COG3: variants seen among roughly 807,000 people sequenced by gnomAD.
COG3 encodes component of oligomeric golgi complex 3.
In COG3, 32 loss-of-function variants were observed where a neutral mutation model predicts 114.1. The ratio of observed to expected loss-of-function variants is 0.28; its 90% CI spans 0.21 to 0.38. The LOEUF (loss-of-function observed/expected upper bound fraction) is 0.38. Ranked by LOEUF, COG3 falls within the 10% of genes least tolerant of loss-of-function variation. The pLI, the probability that COG3 is intolerant of heterozygous loss-of-function variation, is 1.00. For missense variants in COG3, 813 were observed against 973.2 expected (o/e 0.84, Z 2.19); for synonymous variants, 352 against 365.7 (o/e 0.96, Z 0.43).
At chr13:45,525,516 T>G (rs923752807) in intron 20 of COG3, among the ~76,000 whole-genome samples, 7 of 152,070 alleles carry the variant, frequency 4.6e-5, no homozygotes, top group Non-Finnish European at 8.8e-5. Flanking sequence ...ATTGTAAAAA[T>G]TGAGGCGTCA....
chr13:45,493,088 G>T (rs1887114011), intron 11 of COG3, among the ~76,000 whole-genome samples: 1 of 152,136 alleles, frequency 6.6e-6, no homozygotes, highest in Non-Finnish European at 1.5e-5. Context: ...GATAAAAGTT[G>T]TAATAGGTTG....
intron 1 of COG3, among the ~76,000 whole-genome samples, chr13:45,471,474 T>C (rs990350174): frequency 2.0e-5 from 3 of 152,198 alleles, no homozygotes; most frequent in African/African-American, 4.8e-5. Flanking sequence ...TTTTGTGATA[T>C]TGTTTCAGGC....
intron 2 of COG3, among the ~76,000 whole-genome samples, chr13:45,478,314 C>T (rs1320946355): frequency 6.6e-6 from 1 of 151,368 alleles, no homozygotes; most frequent in East Asian, 1.9e-4. Context: ...GCCTCAGCCT[C>T]TTGAGTAACT....
intron 1 of COG3, among the ~76,000 whole-genome samples, chr13:45,465,975 AC>A (rs1885113602): frequency 6.6e-6 from 1 of 152,162 alleles, no homozygotes; most frequent in African/African-American, 2.4e-5. Context: ...TGTTTGACAA[AC>A]GTTTTCCAGT....
At chr13:45,529,558 T>C (rs1872987074) in intron 20 of COG3, among the ~76,000 whole-genome samples, 1 of 152,134 alleles carries the variant, frequency 6.6e-6, no homozygotes, top group South Asian at 2.1e-4. Flanking sequence ...AGGGGAGTTA[T>C]TTTGCTGCCT....
chr13:45,502,005 A>T (rs1310436934), intron 13 of COG3, among the ~76,000 whole-genome samples: 2 of 152,198 alleles, frequency 1.3e-5, no homozygotes, highest in African/African-American at 4.8e-5. Context: ...CCTTGCAGGG[A>T]TCAGATCCCC....
Position 45,479,185 on chromosome 13 carries a change from A to G in COG3, c.383+119A>G. 4 of 700,460 alleles carry G rather than the reference A, an allele frequency of 5.7e-6. No homozygotes were observed. The East Asian group carries it at 1.0e-4, about 18-fold the overall frequency. 43.4% of individuals were successfully genotyped at this position (700,460 alleles called of 1,614,324 possible). Reference sequence around the variant, plus strand: ...GTATTAAGAAAACTGTAACAGCCATATATTCTTTAAGAATAGCCAGTGAGA... The same window carrying G: ...GTATTAAGAAAACTGTAACAGCCATGTATTCTTTAAGAATAGCCAGTGAGA... On this transcript the variant is annotated intron_variant, in intron 3 of 22. Coordinates refer to ENST00000349995, the MANE Select transcript of COG3 (RefSeq NM_031431.4).
intron 6 of COG3, among the ~76,000 whole-genome samples, chr13:45,482,925 T>G (rs1886341693): frequency 6.6e-6 from 1 of 152,234 alleles, no homozygotes; most frequent in Non-Finnish European, 1.5e-5. Context: ...TTATTTCCCC[T>G]AACTCCTATT....
chr13:45,535,905 A>G lies in COG3; in HGVS notation c.*1174A>G. On this transcript the variant is annotated 3_prime_UTR_variant, in exon 23 of 23. Coordinates refer to ENST00000349995, the MANE Select transcript of COG3 (RefSeq NM_031431.4). ...AAAAAGAATTCTGAGTTTTTCAAAC[A>G]CTAGTCTAGAGGTGGACATTGTCAG... The G allele has an allele frequency of 1.0e-6, 1 of 986,292 alleles. No homozygotes were observed. Among genetic ancestry groups the G allele is most frequent in the Non-Finnish European group, 1.2e-6 (1 of 828,910 alleles). 61.1% of individuals were successfully genotyped at this position (986,292 alleles called of 1,614,324 possible).
At chr13:45,491,047 G>A (rs943142463) in intron 9 of COG3, 89 bp downstream of exon 9, 3 of 864,292 alleles carry the variant, frequency 3.5e-6, no homozygotes, top group East Asian at 5.1e-5. Flanking sequence ...TATTTTATGA[G>A]CAATTGCCTT....
rs1489235952 is a variant in COG3 at position 45,530,609 on chromosome 13, T to C, written c.2359-73T>C. 3 of 918,544 alleles carry C rather than the reference T, an allele frequency of 3.3e-6. No individual in the cohort carries two copies. In the African/African-American group the frequency reaches 4.9e-5, roughly 15 times the overall value. 56.9% of individuals were successfully genotyped at this position (918,544 alleles called of 1,614,324 possible). A position where few individuals can be genotyped will look rare whatever the true frequency, so the allele number is the denominator to read the frequency against. ...TTCCACTCGCTTTGGCAAATATCAT[T>C]ACAATTTAACATTCATGGTGCTTCG... On this transcript the variant is annotated intron_variant, in intron 21 of 22. Transcript: ENST00000349995.
At chr13:45,466,646 T>C (rs1885158778) in intron 1 of COG3, 1 of 152,240 alleles carries the variant, frequency 6.6e-6, no homozygotes, top group African/African-American at 2.4e-5. Context: ...AGTCTGTTTA[T>C]AATTGATTTG....
chr13:45,530,624 A>G (rs576335900), intron 21 of COG3, 58 bp from the exon 22 acceptor site: 3 of 1,009,202 alleles, frequency 3.0e-6, no homozygotes, highest in Admixed American at 1.7e-5. Context: ...TTTAACATTC[A>G]TGGTGCTTCG....
intron 17 of COG3, among the ~76,000 whole-genome samples, chr13:45,516,507 T>A (rs748358545): frequency 3.9e-5 from 6 of 152,368 alleles, no homozygotes; most frequent in Non-Finnish European, 7.3e-5. Flanking sequence ...ATTTAGACTC[T>A]GCCACATATT....
At chr13:45,493,673 G>A in intron 12 of COG3, 187 bp downstream of exon 12, 1 of 389,810 alleles carries the variant, frequency 2.6e-6, no homozygotes, top group South Asian at 7.1e-5. Flanking sequence ...AATCAGATAG[G>A]GAAAGAATCT....
At chr13:45,471,378 C>CATGG (rs1566239267) in intron 1 of COG3, among the ~76,000 whole-genome samples, 2 of 152,152 alleles carry the variant, frequency 1.3e-5, no homozygotes, top group African/African-American at 4.8e-5. Context: ...GTGATTGCAC[C>CATGG]ATGGCACTTC....
At chr13:45,480,071 G>C in intron 3 of COG3, 54 bp from the exon 4 acceptor site, 2 of 1,459,930 alleles carry the variant, frequency 1.4e-6, no homozygotes, top group Non-Finnish European at 1.9e-6. Context: ...TTTTTTTACT[G>C]TGCTTATTGG....
intron 10 of COG3, among the ~76,000 whole-genome samples, chr13:45,491,739 TAAG>T (rs759292578): frequency 2.0e-5 from 3 of 152,218 alleles, no homozygotes; most frequent in Admixed American, 6.5e-5. Context: ...TTTTTTGAGA[TAAG>T]AAGATTCACA....
At chr13:45,509,929 T>G (rs910109588) in intron 15 of COG3, 113 bp downstream of exon 15, 19 of 1,116,282 alleles carry the variant, frequency 1.7e-5, no homozygotes, top group Non-Finnish European at 2.3e-5. Flanking sequence ...TCATGATTTT[T>G]AGATATGGAA....
Sources: allele counts gnomAD v4.1 joint callset (sites outside exome capture counted in the v4.1 genomes callset), GRCh38; gene constraint gnomAD v4.1.1; transcripts MANE v1.5; gene names NCBI Gene and HGNC (gene_info 2026-07-23, HGNC 2026-07-21).